Variants in AP1G1 observed in about 807,000 individuals in gnomAD.
AP1G1 encodes the protein AP-1 complex subunit gamma-1.
In AP1G1, 7 loss-of-function variants were observed where a neutral mutation model predicts 108.3. The ratio of observed to expected loss-of-function variants is 0.06; its 90% CI spans 0.04 to 0.12. The LOEUF (loss-of-function observed/expected upper bound fraction) is 0.12, where lower values mean the gene tolerates loss of function less well. Ranked by LOEUF, AP1G1 falls within the 10% of genes least tolerant of loss-of-function variation. AP1G1 has a pLI of 1.00. For missense variants in AP1G1, 756 were observed against 1,010.7 expected (o/e 0.75, Z 3.42); for synonymous variants, 379 against 353.5 (o/e 1.07, Z -0.81).
At chr16:71,781,749 T>A (rs954600329) in intron 2 of AP1G1, among the ~76,000 whole-genome samples, 5 of 152,228 alleles carry the variant, frequency 3.3e-5, no homozygotes, top group African/African-American at 1.2e-4. Flanking sequence ...ACAAACAGAT[T>A]GTTTGCAATG....
intron 10 of AP1G1, among the ~76,000 whole-genome samples, chr16:71,759,339 T>C (rs1468792892): frequency 3.3e-5 from 5 of 152,118 alleles, no homozygotes; most frequent in African/African-American, 2.4e-5. Flanking sequence ...TAGGTGCCTG[T>C]AGTCCCAGCT....
At position 71,746,569 on chromosome 16, in the gene AP1G1, C is replaced by T. The variant is rs1201577983; in HGVS notation, c.1730+19G>A. ...AGGATGCTAAGAGATACACGCATTG[C>T]TTAGTTTCTTTCGCTCACCTCATGT... On this transcript the variant is annotated intron_variant, in intron 17 of 22. Transcript: ENST00000299980. The T allele has an allele frequency of 2.7e-6, 4 of 1,478,472 alleles. No homozygotes were observed. The East Asian group carries it at 9.1e-5, about 34-fold the overall frequency. The allele number at this position is 1,478,472 out of a possible 1,614,324, so 91.6% of individuals were successfully genotyped here.
rs768203007 is a variant in AP1G1, at chr16:71,733,047, G to C, written c.*11C>G. On this transcript the variant is annotated 3_prime_UTR_variant, in exon 23 of 23. Transcript: ENST00000299980. The stretch of plus-strand genomic sequence containing the variant: ...TTGAGTGGGATAAAGAATGAGAATG[G>C]TGCCAAACCCTCATTGCCAGGACTG... 25 of 1,602,356 alleles carry C rather than the reference G, an allele frequency of 1.6e-5. No homozygotes were observed. Among genetic ancestry groups the C allele is most frequent in the Non-Finnish European group, 2.1e-5 (25 of 1,170,208 alleles).
intron 2 of AP1G1, chr16:71,777,584 C>G: frequency 2.6e-6 from 1 of 392,116 alleles, no homozygotes; most frequent in Non-Finnish European, 5.3e-6. Flanking sequence ...CCTCCCATCC[C>G]CAGCCTGTTG....
intron 2 of AP1G1, among the ~76,000 whole-genome samples, chr16:71,779,637 G>T (rs911059132): frequency 6.6e-6 from 1 of 152,074 alleles, no homozygotes; most frequent in Admixed American, 6.6e-5. Flanking sequence ...ATCACACCCC[G>T]CCAAATGGCT....
intron 13 of AP1G1, 90 bp downstream of exon 13, chr16:71,753,743 T>C (rs2030626985): frequency 4.2e-6 from 5 of 1,195,772 alleles, no homozygotes; most frequent in Non-Finnish European, 6.1e-6. Flanking sequence ...TACTTGTGAA[T>C]TTCTTACCTC....
chr16:71,745,590 A>T lies in AP1G1; in HGVS notation c.1755T>A (p.Pro585=), dbSNP rs2030130342. ...CATTTGTGGTCACTTTTTCCATGAC[A>T]GGCATTCTCTCAAGTAGGGCAGACC... ...HMRSALLERM[P]VMEKVTTNGP... is the part of the protein sequence containing the mutation. The change falls in exon 18 of 23, where the codon CCT becomes CCA. Residue 585 remains proline (P), a synonymous_variant. Transcript: ENST00000299980. The T allele has an allele frequency of 6.2e-7, 1 of 1,614,072 alleles. No individual in the cohort carries two copies. Among genetic ancestry groups the T allele is most frequent in the African/African-American group, 1.3e-5 (1 of 74,926 alleles).
At chr16:71,786,376 A>G (rs1040724239) in intron 2 of AP1G1, among the ~76,000 whole-genome samples, 1 of 152,186 alleles carries the variant, frequency 6.6e-6, no homozygotes, top group African/African-American at 2.4e-5. Context: ...CTATAATCAC[A>G]GCACTTTGGG....
chr16:71,789,177 A>G (rs943172922), intron 2 of AP1G1, 102 bp downstream of exon 2: 2 of 1,072,562 alleles, frequency 1.9e-6, no homozygotes, highest in Non-Finnish European at 2.8e-6. Flanking sequence ...TGATCAGACT[A>G]CAAGGCTATC....
chr16:71,786,221 C>A (rs933385122), intron 2 of AP1G1, among the ~76,000 whole-genome samples: 33 of 152,150 alleles, frequency 2.2e-4, no homozygotes, highest in Non-Finnish European at 4.4e-4. Context: ...ACCTTAAAAG[C>A]ACATTCTATT....
chr16:71,734,741 G>T (rs1366831616), intron 21 of AP1G1, 34 bp from the exon 22 acceptor site: 2 of 1,551,612 alleles, frequency 1.3e-6, no homozygotes, highest in Admixed American at 1.7e-5. Flanking sequence ...TTCAGAAAAA[G>T]AATTACACAA....
At chr16:71,750,930 G>A (rs2030461241) in intron 13 of AP1G1, among the ~76,000 whole-genome samples, 1 of 151,590 alleles carries the variant, frequency 6.6e-6, no homozygotes, top group African/African-American at 2.4e-5. Flanking sequence ...GCCAAGGCGG[G>A]TGGATCACAA....
At chr16:71,761,790 C>T (rs577621283) in intron 9 of AP1G1, among the ~76,000 whole-genome samples, 1 of 121,004 alleles carries the variant, frequency 8.3e-6, no homozygotes, top group African/African-American at 3.3e-5. Flanking sequence ...GTATTCCAGT[C>T]GGAGCAACAG....
chr16:71,755,228 C>A (rs1183505311), intron 12 of AP1G1, among the ~76,000 whole-genome samples: 1 of 151,966 alleles, frequency 6.6e-6, no homozygotes, highest in Non-Finnish European at 1.5e-5. Flanking sequence ...GAGTTCGAGA[C>A]CAGCCTGGAC....
chr16:71,767,129 T>A (rs909191857), intron 6 of AP1G1, among the ~76,000 whole-genome samples: 2 of 152,238 alleles, frequency 1.3e-5, no homozygotes, highest in Non-Finnish European at 2.9e-5. Flanking sequence ...CATTTTTCCT[T>A]GGGCTACTAA....
At chr16:71,792,795 A>G (rs2032452349) in intron 1 of AP1G1, among the ~76,000 whole-genome samples, 1 of 151,896 alleles carries the variant, frequency 6.6e-6, no homozygotes, top group South Asian at 2.1e-4. Flanking sequence ...TGGAGATTGC[A>G]GTGAGTCAAG....
At chr16:71,767,371 A>C (rs1373697046) in intron 6 of AP1G1, among the ~76,000 whole-genome samples, 1 of 152,180 alleles carries the variant, frequency 6.6e-6, no homozygotes. Context: ...CTACCTCAAA[A>C]TCCTTTTAAT....
At chr16:71,741,425 A>C (rs1175535575) in intron 19 of AP1G1, among the ~76,000 whole-genome samples, 1 of 152,154 alleles carries the variant, frequency 6.6e-6, no homozygotes, top group East Asian at 1.9e-4. Context: ...TCTACTAAAA[A>C]TACAAAAATT....
chr16:71,754,431 G>A (rs2030672491), intron 12 of AP1G1, among the ~76,000 whole-genome samples: 1 of 152,140 alleles, frequency 6.6e-6, no homozygotes, highest in African/African-American at 2.4e-5. Flanking sequence ...AGGTTCCCTG[G>A]ATAAGTGAAC....
Sources: allele counts gnomAD v4.1 joint callset (sites outside exome capture counted in the v4.1 genomes callset), GRCh38; gene constraint gnomAD v4.1.1; transcripts MANE v1.5; gene names NCBI Gene and HGNC (gene_info 2026-07-23, HGNC 2026-07-21).